Variants in GLI2 observed in about 807,000 individuals in gnomAD.
The protein encoded by GLI2 is transcription activator GLI2.
Under a neutral mutation model 78.9 loss-of-function variants are expected in GLI2, and 22 were observed. The ratio of observed to expected loss-of-function variants is 0.28; its 90% CI spans 0.20 to 0.40. The LOEUF (loss-of-function observed/expected upper bound fraction) is 0.40, where lower values mean the gene tolerates loss of function less well. Among genes scored for constraint, GLI2 ranks in the 10% least tolerant of loss-of-function variants. The probability of loss-of-function intolerance (pLI) is 1.00; values close to 1 mark genes in which losing one functional copy is unlikely to be tolerated. For missense variants in GLI2, 2,097 were observed against 2,213.2 expected (o/e 0.95, Z 1.05); for synonymous variants, 974 against 963.7 (o/e 1.01, Z -0.20).
At chr2:120,762,462 C>G (rs544183490) in intron 1 of GLI2, among the ~76,000 whole-genome samples, 6 of 152,202 alleles carry the variant, frequency 3.9e-5, no homozygotes, top group Non-Finnish European at 7.3e-5. Flanking sequence ...GGCTCTCTCC[C>G]CAGTACCAGG....
chr2:120,851,291 C>G (rs1687394651), intron 2 of GLI2, among the ~76,000 whole-genome samples: 1 of 152,140 alleles, frequency 6.6e-6, no homozygotes, highest in African/African-American at 2.4e-5. Context: ...TAAGGGAGGT[C>G]ATGATGGCTA....
chr2:120,874,175 C>A (rs1384527774), intron 2 of GLI2, among the ~76,000 whole-genome samples: 2 of 152,154 alleles, frequency 1.3e-5, no homozygotes, highest in Non-Finnish European at 2.9e-5. Flanking sequence ...TCCCAGCCAA[C>A]AGAGCCCGGT....
At chr2:120,823,373 A>G (rs978840567) in intron 2 of GLI2, among the ~76,000 whole-genome samples, 4 of 152,140 alleles carry the variant, frequency 2.6e-5, no homozygotes, top group Admixed American at 1.3e-4. Flanking sequence ...AATCCCCCCC[A>G]TCATTAAGTA....
intron 2 of GLI2, among the ~76,000 whole-genome samples, chr2:120,868,364 T>C (rs956058458): frequency 6.6e-6 from 1 of 152,250 alleles, no homozygotes; most frequent in Non-Finnish European, 1.5e-5. Flanking sequence ...TCTGGAGGCT[T>C]GGCAAAATCT....
At chr2:120,803,469 G>T (rs1254408090) in intron 2 of GLI2, among the ~76,000 whole-genome samples, 1 of 152,230 alleles carries the variant, frequency 6.6e-6, no homozygotes, top group Non-Finnish European at 1.5e-5. Context: ...GCCTGACTTA[G>T]AAAGTTTCCC....
Position 120,987,239 on chromosome 2 carries a change from C to T in GLI2, c.2242+625C>T, listed in dbSNP as rs569922632. ...ACTGACTCTGTGCCTAGGATTGTGC[C>T]GGGCTGCCCACTGTGGTCAACACTG... On this transcript the variant is annotated intron_variant, in intron 13 of 13. Transcript: ENST00000361492. 7.2e-5 allele frequency among the ~76,000 whole-genome samples: 11 copies of T among 152,282 alleles called. No individual in the cohort carries two copies. In the South Asian group the frequency reaches 1.0e-3, roughly 14 times the overall value.
intron 1 of GLI2, among the ~76,000 whole-genome samples, chr2:120,738,321 CTCTT>C (rs1682431460): frequency 6.6e-6 from 1 of 152,214 alleles, no homozygotes; most frequent in African/African-American, 2.4e-5. Flanking sequence ...TGCTGCTTCT[CTCTT>C]GAGGGTTACA....
chr2:120,960,698 C>T (rs1020784607), intron 5 of GLI2, among the ~76,000 whole-genome samples: 1 of 152,196 alleles, frequency 6.6e-6, no homozygotes, highest in African/African-American at 2.4e-5. Flanking sequence ...GAACACACTG[C>T]AGTGGTGGAA....
intron 1 of GLI2, among the ~76,000 whole-genome samples, chr2:120,746,687 G>A (rs541596605): frequency 5.1e-4 from 78 of 152,228 alleles, no homozygotes; most frequent in African/African-American, 1.7e-3. Flanking sequence ...AAAAAAAGCC[G>A]CAAAACATTA....
At chr2:120,918,021 G>A (rs1679185504) in intron 2 of GLI2, among the ~76,000 whole-genome samples, 1 of 152,202 alleles carries the variant, frequency 6.6e-6, no homozygotes, top group Non-Finnish European at 1.5e-5. Flanking sequence ...CAAAGCCATG[G>A]CTTTCATCAG....
intron 2 of GLI2, among the ~76,000 whole-genome samples, chr2:120,846,758 C>T (rs1024305324): frequency 6.6e-6 from 1 of 152,192 alleles, no homozygotes; most frequent in African/African-American, 2.4e-5. Flanking sequence ...TGGGTGAGTT[C>T]CTTGACCTCC....
chr2:120,859,452 C>CTTT (rs57311162), intron 2 of GLI2, among the ~76,000 whole-genome samples: 18 of 125,480 alleles, frequency 1.4e-4, no homozygotes, highest in Non-Finnish European at 2.5e-4. Context: ...ATACTCCCTC[C>CTTT]TTTTTTTTTT....
At chr2:120,955,578 G>A in intron 5 of GLI2, 148 bp downstream of exon 5, 1 of 605,428 alleles carries the variant, frequency 1.7e-6, no homozygotes, top group Non-Finnish European at 2.9e-6. Flanking sequence ...CTGTCCACAG[G>A]CACTGAATCT....
chr2:120,886,204 GTGTGT>G (rs1677397795), intron 2 of GLI2, among the ~76,000 whole-genome samples: 1 of 35,570 alleles, frequency 2.8e-5, no homozygotes, highest in Non-Finnish European at 5.5e-5. Flanking sequence ...GTGTGTGTGT[GTGTGT>G]GCGTGTATAT....
intron 3 of GLI2, among the ~76,000 whole-genome samples, chr2:120,938,681 T>C (rs1402784255): frequency 6.6e-6 from 1 of 152,190 alleles, no homozygotes; most frequent in African/African-American, 2.4e-5. Context: ...AGGTCGCATA[T>C]ATGGGATGCG....
At chr2:120,940,706 A>G (rs1573639389) in intron 3 of GLI2, among the ~76,000 whole-genome samples, 1 of 152,192 alleles carries the variant, frequency 6.6e-6, no homozygotes, top group East Asian at 1.9e-4. Flanking sequence ...CTGAGCTCGT[A>G]ACTGGTCTTG....
chr2:120,963,844 G>A (rs1681709462), intron 5 of GLI2, among the ~76,000 whole-genome samples: 1 of 152,256 alleles, frequency 6.6e-6, no homozygotes. Context: ...CAGTCGTGAA[G>A]ATTAAATTAC....
At chr2:120,833,465 T>C (rs1686464687) in intron 2 of GLI2, among the ~76,000 whole-genome samples, 1 of 152,152 alleles carries the variant, frequency 6.6e-6, no homozygotes, top group Non-Finnish European at 1.5e-5. Flanking sequence ...CCTGGCTGTG[T>C]GACCCTGGGC....
chr2:120,897,256 T>G (rs1024471997), intron 2 of GLI2, among the ~76,000 whole-genome samples: 3 of 152,248 alleles, frequency 2.0e-5, no homozygotes, highest in Non-Finnish European at 2.9e-5. Flanking sequence ...TTCCATCCTT[T>G]GAGTCCTAAA....
Sources: gnomAD v4.1 joint callset for allele counts (sites outside exome capture counted in the v4.1 genomes callset) on GRCh38, gnomAD v4.1.1 for gene constraint, MANE v1.5 for transcripts, NCBI Gene and HGNC (gene_info 2026-07-23, HGNC 2026-07-21) for gene names.